PCBP3: variants seen among roughly 807,000 people sequenced by gnomAD.
PCBP3 encodes poly(rC)-binding protein 3.
A neutral mutation model predicts 52.7 loss-of-function variants in PCBP3; 25 were observed. The observed-to-expected ratio is 0.47, with a 90% confidence interval of 0.35 to 0.66. The LOEUF is 0.66. PCBP3 is among the 30% of genes least tolerant of loss of function. PCBP3 has a pLI of 0.01. For missense variants in PCBP3, 391 were observed against 490.3 expected (o/e 0.80, Z 1.91); for synonymous variants, 162 against 183.0 (o/e 0.89, Z 0.93).
At chr21:45,775,578 G>A (rs932840406) in intron 4 of PCBP3, among the ~76,000 whole-genome samples, 1 of 151,966 alleles carries the variant, frequency 6.6e-6, no homozygotes, top group Non-Finnish European at 1.5e-5. Flanking sequence ...CACCACTCCT[G>A]GCTAACTTTT....
intron 3 of PCBP3, chr21:45,749,745 GT>G (rs2087244572): frequency 6.6e-6 from 1 of 152,268 alleles, no homozygotes; most frequent in Admixed American, 6.5e-5. Flanking sequence ...GAGAGGTGCT[GT>G]TTCCTGGGAA....
chr21:45,813,232 C>T (rs543221858), intron 4 of PCBP3, among the ~76,000 whole-genome samples: 38 of 152,180 alleles, frequency 2.5e-4, no homozygotes, highest in African/African-American at 8.7e-4. Flanking sequence ...TCTATCTGTG[C>T]GTAGTTTGAA....
intron 5 of PCBP3, among the ~76,000 whole-genome samples, chr21:45,863,615 C>T (rs995552466): frequency 4.6e-5 from 7 of 152,226 alleles, no homozygotes; most frequent in Admixed American, 3.9e-4. Context: ...ATGGGGTGGG[C>T]AGCCTCCCTC....
At chr21:45,828,884 G>GGGCT (rs1030837343) in intron 4 of PCBP3, 9 of 152,396 alleles carry the variant, frequency 5.9e-5, no homozygotes, top group African/African-American at 2.2e-4. Context: ...GCTCCTTTGG[G>GGGCT]GGCTGGATGG....
intron 14 of PCBP3, among the ~76,000 whole-genome samples, chr21:45,930,440 G>T (rs138499258): frequency 6.6e-6 from 1 of 152,198 alleles, no homozygotes; most frequent in African/African-American, 2.4e-5. Flanking sequence ...GTGGCACCCA[G>T]CCCTGCCCCA....
At chr21:45,914,198 C>A (rs1303538297) in intron 12 of PCBP3, 173 bp downstream of exon 12, 18 of 1,101,240 alleles carry the variant, frequency 1.6e-5, no homozygotes, top group African/African-American at 8.0e-5. Context: ...ACGCAGGGGG[C>A]CTTCAGAGCG....
intron 2 of PCBP3, among the ~76,000 whole-genome samples, chr21:45,718,207 C>CTT (rs1037623779): frequency 7.4e-6 from 1 of 135,118 alleles, no homozygotes; most frequent in Non-Finnish European, 1.6e-5. Flanking sequence ...GTCTTCTCTC[C>CTT]TTTTTTTTTT....
intron 1 of PCBP3, among the ~76,000 whole-genome samples, chr21:45,666,378 A>G (rs2080796049): frequency 7.1e-6 from 1 of 141,340 alleles, no homozygotes; most frequent in Admixed American, 6.9e-5. Flanking sequence ...AGTAGGAGGA[A>G]AGGGTTACAA....
chr21:45,695,424 T>C (rs1242791242), intron 2 of PCBP3, among the ~76,000 whole-genome samples: 2 of 151,874 alleles, frequency 1.3e-5, no homozygotes, highest in Non-Finnish European at 2.9e-5. Context: ...GCCCAGAGAG[T>C]CTCACAGGCA....
At chr21:45,900,280 A>T (rs1404962191) in intron 7 of PCBP3, among the ~76,000 whole-genome samples, 1 of 152,186 alleles carries the variant, frequency 6.6e-6, no homozygotes, top group Non-Finnish European at 1.5e-5. Context: ...GAGGGCACGC[A>T]CACTGCCATG....
In PCBP3 at chr21:45,679,490, C is replaced by T. The variant is rs143460176; in HGVS notation, c.-200+10538C>T. 2.7e-3 allele frequency among the ~76,000 whole-genome samples: 416 copies of T among 152,212 alleles called. 3 individuals are homozygous for T. The highest frequency in any genetic ancestry group is 3.3e-3 in the South Asian group (16 of 4,824). ...ACATAATGCTATTGCACACAATAGACTACAGTAGGGTGTAAACATAAATTT... is the reference window on the plus strand; with the variant it reads ...ACATAATGCTATTGCACACAATAGATTACAGTAGGGTGTAAACATAAATTT... On this transcript the variant is annotated intron_variant, in intron 2 of 17. Coordinates refer to ENST00000681687, the MANE Select transcript of PCBP3 (RefSeq NM_001384156.1).
chr21:45,868,812 T>C (rs2094873538), intron 5 of PCBP3, among the ~76,000 whole-genome samples: 1 of 152,188 alleles, frequency 6.6e-6, no homozygotes, highest in Admixed American at 6.5e-5. Context: ...GCGGACGTCC[T>C]CACCCAAGCC....
At chr21:45,665,010 G>A (rs2080700433) in intron 1 of PCBP3, among the ~76,000 whole-genome samples, 1 of 151,774 alleles carries the variant, frequency 6.6e-6, no homozygotes, top group African/African-American at 2.4e-5. Flanking sequence ...CACCTTCATG[G>A]TTAAATGTAT....
chr21:45,681,974 T>A (rs948198577), intron 2 of PCBP3, among the ~76,000 whole-genome samples: 2 of 151,930 alleles, frequency 1.3e-5, no homozygotes, highest in Admixed American at 1.3e-4. Context: ...GGCTCAGAAA[T>A]CTGGGGGGCT....
At chr21:45,896,127 G>A in intron 5 of PCBP3, 81 bp from the exon 6 acceptor site, 4 of 1,362,348 alleles carry the variant, frequency 2.9e-6, no homozygotes, top group Non-Finnish European at 4.0e-6. Context: ...GGAGGCCGGA[G>A]TGGGAGCGGC....
intron 5 of PCBP3, among the ~76,000 whole-genome samples, chr21:45,888,056 T>TC (rs1431562353): frequency 6.6e-6 from 1 of 152,174 alleles, no homozygotes; most frequent in Non-Finnish European, 1.5e-5. Flanking sequence ...GGGTCTCTCC[T>TC]CAGGAGCACT....
chr21:45,869,563 G>A (rs965729466), intron 5 of PCBP3, among the ~76,000 whole-genome samples: 1 of 152,146 alleles, frequency 6.6e-6, no homozygotes, highest in African/African-American at 2.4e-5. Flanking sequence ...TGCTCCTCTC[G>A]CCGTCCCCAC....
chr21:45,852,231 T>A (rs915148048), intron 5 of PCBP3, among the ~76,000 whole-genome samples: 1 of 152,232 alleles, frequency 6.6e-6, no homozygotes, highest in Admixed American at 6.5e-5. Flanking sequence ...CTATTATGCG[T>A]CAATTATAAA....
At position 45,829,709 on chromosome 21, in the gene PCBP3, T is replaced by C. The variant is rs1392060851; in HGVS notation, c.-125-20252T>C. The C allele has an allele frequency of 6.6e-6, 1 of 152,326 alleles. No individual in the cohort carries two copies. The highest frequency in any genetic ancestry group is 1.9e-4 in the East Asian group (1 of 5,190). 9.4% of individuals were successfully genotyped at this position (152,326 alleles called of 1,614,324 possible). On this transcript the variant is annotated intron_variant, in intron 4 of 17. Transcript: ENST00000681687. This position sits in a 1 kb window ranked among gnomAD's most constrained non-coding sequence, Gnocchi z 5.2. Reference sequence around the variant, plus strand: ...ATGCCGTGCAGCTGGCTACACCCGGTGCGAAGGGAATCCCCGCTGTTCCTC... The same window carrying C: ...ATGCCGTGCAGCTGGCTACACCCGGCGCGAAGGGAATCCCCGCTGTTCCTC...
Sources: allele counts gnomAD v4.1 joint callset (sites outside exome capture counted in the v4.1 genomes callset), GRCh38; gene constraint gnomAD v4.1.1; non-coding constraint Gnocchi (gnomAD v3.1); transcripts MANE v1.5; gene names NCBI Gene and HGNC (gene_info 2026-07-23, HGNC 2026-07-21).